The following ZNF804A variants were observed in gnomAD, a reference collection of about 807,000 sequenced individuals.
ZNF804A encodes zinc finger protein 804A.
Under a neutral mutation model 16.5 loss-of-function variants are expected in ZNF804A, and 2 were observed. The ratio of observed to expected loss-of-function variants is 0.12; its 90% confidence interval spans 0.05 to 0.38. The LOEUF is 0.38. Ranked by LOEUF, ZNF804A falls within the 10% of genes least tolerant of loss-of-function variation. The pLI is 0.99. For missense variants in ZNF804A, 1,473 were observed against 1,390.7 expected, an observed-to-expected ratio of 1.06 and a Z score of -0.94; for synonymous variants, 534 against 489.6, an observed-to-expected ratio of 1.09 and a Z score of -1.20.
rs111855770 is a variant in ZNF804A at position 184,817,004 on chromosome 2, G to A, written c.112-49365G>A. Among the ~76,000 whole-genome samples the A allele has an allele frequency of 4.8e-3, 734 of 151,980 alleles. 9 individuals are homozygous for A. The highest frequency in any genetic ancestry group is 0.017 in the African/African-American group (705 of 41,484). ...ATTTAAATTTTTAGCAGATCAGTAC[G>A]TTATTAATATTTGTAGTTAAAAGAG... is the stretch of plus-strand genomic sequence containing the variant. On this transcript the variant is annotated intron_variant, in intron 1 of 3. Transcript: ENST00000302277.
chr2:184,673,898 A>G (rs1386941339), intron 1 of ZNF804A, among the ~76,000 whole-genome samples: 1 of 152,178 alleles, frequency 6.6e-6, no homozygotes, highest in Non-Finnish European at 1.5e-5. Flanking sequence ...CAAAGTAGGT[A>G]ATAGAATGAA....
Position 184,937,646 on chromosome 2 carries a change from G to C in ZNF804A, c.2250G>C (p.Gln750His). ...AAAATGATATGAAACACATGAGTCA[G>C]AATCAGGCTGTTAAAAGAGGTTACA... ...VLQNDMKHMS[Q>H]NQAVKRGYNS... The change falls in exon 4 of 4, where the codon CAG (glutamine) becomes CAC (histidine). Residue 750 changes from glutamine (Q) to histidine (H), a missense_variant. By Grantham distance (24) the Gln-to-His change is conservative. Transcript: ENST00000302277. 1 of 1,613,928 alleles carries C rather than the reference G, an allele frequency of 6.2e-7. No homozygotes were observed. Among genetic ancestry groups the C allele is most frequent in the Non-Finnish European group, 8.5e-7 (1 of 1,179,958 alleles).
intron 1 of ZNF804A, among the ~76,000 whole-genome samples, chr2:184,735,197 G>GT (rs547776045): frequency 4.4e-4 from 66 of 150,950 alleles, no homozygotes; most frequent in African/African-American, 1.5e-3. Context: ...CTACCACTTG[G>GT]TTTTTTTTCA....
At chr2:184,765,401 A>C (rs2887514) in intron 1 of ZNF804A, among the ~76,000 whole-genome samples, 50,727 of 152,018 alleles carry the variant, frequency 0.33, 11,841 homozygotes, top group African/African-American at 0.67. Context: ...AGGCAGACAG[A>C]CCGGCACTGC....
intron 1 of ZNF804A, among the ~76,000 whole-genome samples, chr2:184,784,692 G>T (rs1362631084): frequency 6.6e-6 from 1 of 151,906 alleles, no homozygotes. Context: ...ATTATGTTTT[G>T]CTATAAATTT....
chr2:184,776,266 G>A (rs1046684702), intron 1 of ZNF804A, among the ~76,000 whole-genome samples: 1 of 151,442 alleles, frequency 6.6e-6, no homozygotes, highest in African/African-American at 2.4e-5. Flanking sequence ...ATTTCTTTGA[G>A]AGAGAAATTA....
Position 184,933,701 on chromosome 2 carries a change from C to G in ZNF804A, c.354C>G (p.His118Gln). The stretch of plus-strand genomic sequence containing the variant: ...AGGAAAAGGCACTCCAACGCCTGCA[C>G]AAGCTGGCTGAGCTAAGAAAGGAAA... The part of the protein sequence containing the change: ...RKQEKALQRL[H>Q]KLAELRKETV... Residue 118 changes from histidine to glutamine, a missense_variant, in exon 3 of 4, where the codon CAC (histidine) becomes CAG (glutamine). Transcript: ENST00000302277. The G allele has an allele frequency of 6.2e-7, 1 of 1,607,664 alleles. No individual in the cohort carries two copies. Among genetic ancestry groups the G allele is most frequent in the Non-Finnish European group, 8.5e-7 (1 of 1,178,054 alleles).
intron 2 of ZNF804A, among the ~76,000 whole-genome samples, chr2:184,876,692 A>G (rs1684684445): frequency 6.6e-6 from 1 of 152,162 alleles, no homozygotes; most frequent in Non-Finnish European, 1.5e-5. Context: ...AATCATTTCT[A>G]GCATCTGAAA....
intron 1 of ZNF804A, among the ~76,000 whole-genome samples, chr2:184,683,482 A>G (rs996902636): frequency 4.6e-5 from 7 of 152,172 alleles, no homozygotes; most frequent in Non-Finnish European, 1.0e-4. Context: ...ACTTGCTTCC[A>G]TGGTAATACT....
intron 1 of ZNF804A, among the ~76,000 whole-genome samples, chr2:184,783,149 T>TTTG (rs1694398357): frequency 7.0e-6 from 1 of 143,184 alleles, no homozygotes; most frequent in Non-Finnish European, 1.5e-5. Flanking sequence ...TTTTTTTTTT[T>TTTG]TTTTTTTTTT....
chr2:184,931,914 G>A (rs1223271155), intron 2 of ZNF804A, among the ~76,000 whole-genome samples: 1 of 152,048 alleles, frequency 6.6e-6, no homozygotes, highest in East Asian at 1.9e-4. Context: ...ATGCTTTACT[G>A]CTTAGAAATT....
At chr2:184,895,682 G>C (rs147836457) in intron 2 of ZNF804A, among the ~76,000 whole-genome samples, 2 of 152,292 alleles carry the variant, frequency 1.3e-5, no homozygotes, top group East Asian at 3.9e-4. Context: ...AAATGTACTT[G>C]CAATTCTCAA....
chr2:184,840,204 C>T (rs1410837162), intron 1 of ZNF804A, among the ~76,000 whole-genome samples: 1 of 152,124 alleles, frequency 6.6e-6, no homozygotes. Context: ...GCCTGACCAA[C>T]ATGGTGAAAC....
intron 1 of ZNF804A, among the ~76,000 whole-genome samples, chr2:184,823,779 A>C (rs1266447312): frequency 6.6e-6 from 1 of 152,136 alleles, no homozygotes; most frequent in East Asian, 1.9e-4. Flanking sequence ...CCTTTATATA[A>C]GAATTCCTCT....
chr2:184,634,640 T>C (rs891007943), intron 1 of ZNF804A, among the ~76,000 whole-genome samples: 13 of 152,136 alleles, frequency 8.5e-5, no homozygotes, highest in African/African-American at 2.9e-4. Context: ...AGAAAAACAT[T>C]GCAGTTGGCC....
At chr2:184,653,456 G>C (rs1389543997) in intron 1 of ZNF804A, among the ~76,000 whole-genome samples, 1 of 152,162 alleles carries the variant, frequency 6.6e-6, no homozygotes, top group Non-Finnish European at 1.5e-5. Flanking sequence ...ACATAAGGCA[G>C]AAAAAGAGAC....
At chr2:184,769,817 G>A (rs997448452) in intron 1 of ZNF804A, among the ~76,000 whole-genome samples, 4 of 151,916 alleles carry the variant, frequency 2.6e-5, no homozygotes, top group African/African-American at 9.7e-5. Context: ...TCTTAACAAG[G>A]CTTGGTAATC....
intron 1 of ZNF804A, among the ~76,000 whole-genome samples, chr2:184,801,107 T>C (rs1440041805): frequency 6.6e-6 from 1 of 152,176 alleles, no homozygotes. Flanking sequence ...TCTAGGATTC[T>C]GTTTGTTTCA....
At chr2:184,716,321 A>G (rs1034791270) in intron 1 of ZNF804A, among the ~76,000 whole-genome samples, 4 of 152,026 alleles carry the variant, frequency 2.6e-5, no homozygotes, top group Non-Finnish European at 5.9e-5. Context: ...AGTATCTTAT[A>G]TTCTGTTTTA....
Sources: gnomAD v4.1 joint callset for allele counts (sites outside exome capture counted in the v4.1 genomes callset) on GRCh38, gnomAD v4.1.1 for gene constraint, MANE v1.5 for transcripts, NCBI Gene and HGNC (gene_info 2026-07-23, HGNC 2026-07-21) for gene names.